The following TFPI variants were observed in gnomAD, a reference collection of about 807,000 sequenced individuals.
TFPI encodes anti-convertin.
A neutral mutation model predicts 34.6 loss-of-function variants in TFPI; 15 were observed. The observed-to-expected ratio is 0.43, with a 90% CI of 0.29 to 0.67. The LOEUF is 0.67. Ranked by LOEUF, TFPI falls within the 30% of genes least tolerant of loss-of-function variation. TFPI has a pLI of 0.15. For synonymous variants in TFPI, 105 were observed against 120.1 expected (o/e 0.87, Z 0.82); for missense variants, 301 against 364.0 (o/e 0.83, Z 1.41).
At chr2:187,483,853 G>A in intron 6 of TFPI, 3 of 387,150 alleles carry the variant, frequency 7.7e-6, no homozygotes, top group Non-Finnish European at 1.4e-5. Flanking sequence ...AATAAATTTG[G>A]CATAGAGTTA....
intron 6 of TFPI, among the ~76,000 whole-genome samples, chr2:187,472,557 TC>T (rs1692106610): frequency 6.6e-6 from 1 of 152,198 alleles, no homozygotes; most frequent in African/African-American, 2.4e-5. Context: ...TATCTCCTAT[TC>T]AACACTTTTT....
At chr2:187,487,947 C>A (rs922384161) in intron 4 of TFPI, among the ~76,000 whole-genome samples, 1 of 151,270 alleles carries the variant, frequency 6.6e-6, no homozygotes, top group African/African-American at 2.4e-5. Context: ...CTCAAAATAT[C>A]TAAATCTCTA....
In TFPI at chr2:187,529,754, A is replaced by G. The variant is rs182934741; in HGVS notation, c.-3+24446T>C. 2.1e-4 allele frequency among the ~76,000 whole-genome samples: 32 copies of G among 152,290 alleles called. No homozygotes were observed. The East Asian group carries it at 2.9e-3, about 14-fold the overall frequency. On this transcript the variant is annotated intron_variant, in intron 1 of 7. Transcript: ENST00000233156. Reference sequence around the variant, plus strand: ...TGGAAGTGGGGGTCACTGCCTTTCTATCAGTAGGCTGGAGCTGAAGATACA... The same window carrying G: ...TGGAAGTGGGGGTCACTGCCTTTCTGTCAGTAGGCTGGAGCTGAAGATACA...
At chr2:187,493,416 G>A (rs1047018587) in intron 3 of TFPI, among the ~76,000 whole-genome samples, 7 of 152,168 alleles carry the variant, frequency 4.6e-5, no homozygotes, top group Non-Finnish European at 8.8e-5. Context: ...CTCCAGGCCT[G>A]TGATGGGAAG....
At chr2:187,547,393 A>G (rs1397672909) in intron 1 of TFPI, 2 of 152,194 alleles carry the variant, frequency 1.3e-5, no homozygotes, top group Non-Finnish European at 1.5e-5. Context: ...TTTCACTCCT[A>G]TTAAGGAGAG....
chr2:187,540,688 C>T (rs11904106), intron 1 of TFPI, among the ~76,000 whole-genome samples: 2,851 of 151,922 alleles, frequency 0.019, 92 homozygotes, highest in African/African-American at 0.064. Flanking sequence ...TTAGCAGTTC[C>T]GAGACCAGCT....
chr2:187,468,048 AATAAAGGGGT>A (rs1474329729), intron 6 of TFPI, 116 bp from the exon 7 acceptor site: 2 of 784,834 alleles, frequency 2.5e-6, no homozygotes, highest in African/African-American at 1.8e-5. Context: ...CAGTAATCTG[AATAAAGGGGT>A]ATTTAATAAA....
At chr2:187,499,632 G>A (rs1685718085) in intron 2 of TFPI, 1 of 152,064 alleles carries the variant, frequency 6.6e-6, no homozygotes, top group South Asian at 2.1e-4. Context: ...TACGTATCGT[G>A]AGTTTCTGAA....
At chr2:187,505,268 G>T (rs1018977343) in intron 1 of TFPI, among the ~76,000 whole-genome samples, 2 of 152,086 alleles carry the variant, frequency 1.3e-5, no homozygotes, top group South Asian at 4.1e-4. Flanking sequence ...TGAAGCCCTT[G>T]AGAGAGAGGG....
At chr2:187,503,490 CACACACACACAT>C (rs1481138277) in intron 2 of TFPI, among the ~76,000 whole-genome samples, 146 bp downstream of exon 2, 1 of 151,624 alleles carries the variant, frequency 6.6e-6, no homozygotes, top group Non-Finnish European at 1.5e-5. Context: ...CACACACACA[CACACACACACAT>C]ACATTAGGTA....
At chr2:187,516,535 T>A (rs1459954078) in intron 1 of TFPI, 1 of 152,192 alleles carries the variant, frequency 6.6e-6, no homozygotes, top group African/African-American at 2.4e-5. Flanking sequence ...TCACTATTGA[T>A]CTGTCTTGCA....
intron 1 of TFPI, 37 bp from the exon 2 acceptor site, chr2:187,503,807 G>T (rs1213092667): frequency 6.2e-7 from 1 of 1,602,670 alleles, no homozygotes; most frequent in Non-Finnish European, 8.5e-7. Context: ...AATAAATAAA[G>T]TGTTAATATG....
chr2:187,525,124 A>G (rs369045820), intron 1 of TFPI, among the ~76,000 whole-genome samples: 3 of 152,270 alleles, frequency 2.0e-5, no homozygotes, highest in African/African-American at 7.2e-5. Context: ...TTCACTTTTT[A>G]TGAACTCTTC....
Position 187,496,927 on chromosome 2 carries a change from C to G in TFPI, c.273G>C (p.Gln91His). ...ACTCTTCCAGACTTTCAAATCGATTCTGATTTCCTTCACATCCCCCATATA... is the reference window on the plus strand; with the variant it reads ...ACTCTTCCAGACTTTCAAATCGATTGTGATTTCCTTCACATCCCCCATATA... ...EFIYGGCEGN[Q>H]NRFESLEECK... The change falls in exon 3 of 8, where the codon CAG (glutamine) becomes CAC (histidine). Residue 91 changes from glutamine to histidine, a missense_variant. Gln to His is a conservative substitution (Grantham distance 24). Coordinates refer to ENST00000233156, the MANE Select transcript of TFPI (RefSeq NM_006287.6). 1 of 1,613,196 alleles carries G rather than the reference C, an allele frequency of 6.2e-7. No individual in the cohort carries two copies. The highest frequency in any genetic ancestry group is 8.5e-7 in the Non-Finnish European group (1 of 1,179,428).
At chr2:187,488,897 G>A (rs1446009244) in intron 3 of TFPI, among the ~76,000 whole-genome samples, 1 of 151,466 alleles carries the variant, frequency 6.6e-6, no homozygotes, top group African/African-American at 2.4e-5. Context: ...TCTGGGACAC[G>A]TTGTTTGGTT....
At chr2:187,538,460 T>G (rs1688389520) in intron 1 of TFPI, among the ~76,000 whole-genome samples, 1 of 152,166 alleles carries the variant, frequency 6.6e-6, no homozygotes, top group South Asian at 2.1e-4. Flanking sequence ...CTGGAAACCA[T>G]CATTCTCAGC....
chr2:187,486,431 A>T lies in TFPI; in HGVS notation c.359-1444T>A, dbSNP rs8176506. Among the ~76,000 whole-genome samples the T allele has an allele frequency of 2.9e-4, 44 of 151,354 alleles. 1 individual carries two copies. In the South Asian group the frequency reaches 8.9e-3, roughly 31 times the overall value. ...CATAAAGGTATAAAAAATTATGCTG[A>T]TAAGTATAATTAAGAAATTATACAT... On this transcript the variant is annotated intron_variant, in intron 4 of 7. Coordinates refer to ENST00000233156, the MANE Select transcript of TFPI (RefSeq NM_006287.6).
intron 1 of TFPI, among the ~76,000 whole-genome samples, chr2:187,510,449 G>A (rs1686542231): frequency 6.6e-6 from 1 of 152,142 alleles, no homozygotes; most frequent in African/African-American, 2.4e-5. Context: ...ACCCCTCTTG[G>A]TGTGCTTTCA....
chr2:187,518,366 CTG>C (rs1167572763), intron 1 of TFPI: 1 of 152,168 alleles, frequency 6.6e-6, no homozygotes, highest in Non-Finnish European at 1.5e-5. Context: ...ATTTGCTTGT[CTG>C]TAAAATATTT....
Sources: gnomAD v4.1 joint callset for allele counts (sites outside exome capture counted in the v4.1 genomes callset) on GRCh38, gnomAD v4.1.1 for gene constraint, MANE v1.5 for transcripts, NCBI Gene and HGNC (gene_info 2026-07-23, HGNC 2026-07-21) for gene names.